Variants in NTM observed in about 807,000 individuals in gnomAD.
NTM encodes IgLON family member 2.
NTM carries 13 observed loss-of-function variants against 42.1 expected under a neutral mutation model. The observed-to-expected ratio is 0.31, with a 90% confidence interval of 0.20 to 0.49. NTM has a LOEUF of 0.49. Among genes scored for constraint, NTM ranks in the 20% least tolerant of loss-of-function variants. The pLI, the probability that NTM is intolerant of heterozygous loss-of-function variation, is 0.99. For missense variants in NTM, 373 were observed against 452.8 expected, an observed-to-expected ratio of 0.82 and a Z score of 1.60; for synonymous variants, 187 against 179.2, an observed-to-expected ratio of 1.04 and a Z score of -0.35.
chr11:132,239,570 T>A (rs575877158), intron 4 of NTM, among the ~76,000 whole-genome samples: 34 of 152,334 alleles, frequency 2.2e-4, no homozygotes, highest in African/African-American at 8.2e-4. Context: ...AGAAAAAAAG[T>A]CTTTGTGATT....
At chr11:131,592,679 C>CAT (rs1396124834) in intron 1 of NTM, among the ~76,000 whole-genome samples, 1 of 147,586 alleles carries the variant, frequency 6.8e-6, no homozygotes. Context: ...CACACACACA[C>CAT]ACACACACCA....
chr11:131,827,914 C>T (rs1002789611), intron 1 of NTM, among the ~76,000 whole-genome samples: 9 of 152,094 alleles, frequency 5.9e-5, no homozygotes, highest in African/African-American at 1.9e-4. Flanking sequence ...TATTCCCAGA[C>T]GTTGGCACAC....
intron 2 of NTM, among the ~76,000 whole-genome samples, chr11:132,056,272 G>T (rs994897272): frequency 6.6e-6 from 1 of 152,200 alleles, no homozygotes; most frequent in South Asian, 2.1e-4. Flanking sequence ...GAGAGAGAGA[G>T]AATGGCTATG....
chr11:132,256,871 C>T (rs576672529), intron 4 of NTM, among the ~76,000 whole-genome samples: 25 of 152,334 alleles, frequency 1.6e-4, no homozygotes, highest in Admixed American at 1.4e-3. Flanking sequence ...CTAGCTCCCA[C>T]AGACAGGATG....
At chr11:132,142,352 G>T (rs1442641109) in intron 2 of NTM, among the ~76,000 whole-genome samples, 2 of 152,178 alleles carry the variant, frequency 1.3e-5, no homozygotes, top group Non-Finnish European at 2.9e-5. Flanking sequence ...AGAGAGGTGA[G>T]ATACCGTACC....
At chr11:131,864,117 C>G (rs2046906293) in intron 1 of NTM, among the ~76,000 whole-genome samples, 1 of 152,176 alleles carries the variant, frequency 6.6e-6, no homozygotes, top group East Asian at 1.9e-4. Context: ...GTCAATCACA[C>G]AATTACCCTG....
rs141521884 is a variant in NTM at position 132,313,356 on chromosome 11, A to C, written c.783-1196A>C. ...AAAGCATGTCCCCTGAATCTGTTCCAGTGTGCTCCCGCCATGTTATTATCT... is the reference window on the plus strand; with the variant it reads ...AAAGCATGTCCCCTGAATCTGTTCCCGTGTGCTCCCGCCATGTTATTATCT... On this transcript the variant is annotated intron_variant, in intron 6 of 8. Transcript: ENST00000683400. 4.3e-3 allele frequency among the ~76,000 whole-genome samples: 654 copies of C among 152,160 alleles called. 7 individuals are homozygous for C. Among genetic ancestry groups the C allele is most frequent in the African/African-American group, 0.015 (630 of 41,458 alleles).
intron 1 of NTM, among the ~76,000 whole-genome samples, chr11:131,690,920 G>A (rs1312574898): frequency 6.6e-6 from 1 of 152,200 alleles, no homozygotes; most frequent in East Asian, 1.9e-4. Context: ...GGGTGGAAGT[G>A]GAAGCTGCCT....
At chr11:131,898,037 TTAA>T (rs2137646763) in intron 1 of NTM, among the ~76,000 whole-genome samples, 1 of 152,352 alleles carries the variant, frequency 6.6e-6, no homozygotes, top group African/African-American at 2.4e-5. Context: ...CTGATTATTA[TTAA>T]TGTTATTCTT....
chr11:132,130,514 T>A (rs1328369997), intron 2 of NTM, among the ~76,000 whole-genome samples: 2 of 152,206 alleles, frequency 1.3e-5, no homozygotes, highest in Non-Finnish European at 2.9e-5. Flanking sequence ...TGAGGTGAAA[T>A]ACAGCATGCT....
At chr11:131,992,511 T>C (rs1286181527) in intron 2 of NTM, among the ~76,000 whole-genome samples, 1 of 152,016 alleles carries the variant, frequency 6.6e-6, no homozygotes, top group East Asian at 1.9e-4. Flanking sequence ...ACAACTTTGC[T>C]TCAAAAACAG....
At chr11:132,079,690 C>T (rs1278750945) in intron 2 of NTM, among the ~76,000 whole-genome samples, 5 of 152,156 alleles carry the variant, frequency 3.3e-5, no homozygotes, top group Admixed American at 6.5e-5. Context: ...CAATTGTGAA[C>T]GTAACCTGGT....
intron 2 of NTM, among the ~76,000 whole-genome samples, chr11:132,143,588 G>A (rs1408733267): frequency 6.6e-6 from 1 of 152,204 alleles, no homozygotes; most frequent in Non-Finnish European, 1.5e-5. Flanking sequence ...AAGTTTGTGA[G>A]ATGATAAAAT....
intron 3 of NTM, among the ~76,000 whole-genome samples, chr11:132,176,062 AAGG>A (rs1286038478): frequency 6.6e-6 from 1 of 152,302 alleles, no homozygotes; most frequent in East Asian, 1.9e-4. Context: ...ACACTAAAGA[AAGG>A]TTCATTGAAT....
chr11:132,331,480 T>G (rs552817897), intron 8 of NTM, among the ~76,000 whole-genome samples: 1 of 152,290 alleles, frequency 6.6e-6, no homozygotes, highest in East Asian at 1.9e-4. Flanking sequence ...AAAGTTTTTG[T>G]TTTATTTTTT....
intron 1 of NTM, chr11:131,896,933 C>A (rs1346199796): frequency 6.6e-6 from 1 of 152,188 alleles, no homozygotes; most frequent in East Asian, 1.9e-4. Context: ...CGTGATCCGC[C>A]CACCTGGGTC....
intron 1 of NTM, among the ~76,000 whole-genome samples, chr11:131,700,006 G>C (rs1044421767): frequency 6.6e-6 from 1 of 150,704 alleles, no homozygotes; most frequent in African/African-American, 2.4e-5. Context: ...AAGATCTCTT[G>C]ACCATGTAGA....
intron 1 of NTM, among the ~76,000 whole-genome samples, chr11:131,782,663 T>G (rs187946066): frequency 6.6e-6 from 1 of 152,240 alleles, no homozygotes; most frequent in East Asian, 1.9e-4. Flanking sequence ...CAAGTATATT[T>G]TATCCTAGGA....
intron 1 of NTM, among the ~76,000 whole-genome samples, chr11:131,682,959 C>T (rs939897362): frequency 6.6e-5 from 10 of 152,142 alleles, no homozygotes; most frequent in Non-Finnish European, 1.3e-4. Context: ...AGGTAGATGT[C>T]GTACACATCC....
Sources: gnomAD v4.1 joint callset for allele counts (sites outside exome capture counted in the v4.1 genomes callset) on GRCh38, gnomAD v4.1.1 for gene constraint, MANE v1.5 for transcripts, NCBI Gene and HGNC (gene_info 2026-07-23, HGNC 2026-07-21) for gene names.